The following KLC2 variants were observed in gnomAD, a reference collection of about 807,000 sequenced individuals.
The protein encoded by KLC2 is kinesin light chain 2.
In KLC2, 35 loss-of-function variants were observed where a neutral mutation model predicts 75.1. The ratio of observed to expected loss-of-function variants is 0.47; its 90% CI spans 0.36 to 0.62. KLC2 has a LOEUF of 0.62. Among genes scored for constraint, KLC2 ranks in the 20% least tolerant of loss-of-function variants. KLC2 has a pLI of 0.00. For synonymous variants in KLC2, 314 were observed against 336.7 expected (o/e 0.93, Z 0.74); for missense variants, 611 against 833.2 (o/e 0.73, Z 3.28).
chr11:66,258,537 G>A, intron 1 of KLC2, 47 bp from the exon 2 acceptor site: 1 of 1,328,538 alleles, frequency 7.5e-7, no homozygotes, highest in Non-Finnish European at 1.1e-6. Context: ...GGACGGCGGT[G>A]TGGCCCCAGG....
intron 5 of KLC2, among the ~76,000 whole-genome samples, 198 bp from the exon 6 acceptor site, chr11:66,263,462 G>A (rs771282860): frequency 2.0e-5 from 3 of 152,162 alleles, no homozygotes; most frequent in African/African-American, 4.8e-5. Flanking sequence ...CCAGCACTGC[G>A]CACCCCAGCC....
chr11:66,267,769 T>TGGTGGCAGGAGGGGCTCCCCC lies in KLC2; in HGVS notation c.*814_*834dup, dbSNP rs1856949757. On this transcript the variant is annotated 3_prime_UTR_variant, in exon 16 of 16. Transcript: ENST00000394067. ...CTCGCGAGGGGCGGCGACGGTCCCC[T>TGGTGGCAGGAGGGGCTCCCCC]GGTGGCAGGAGGGGCTCCCCCTGTT... The TGGTGGCAGGAGGGGCTCCCCC allele has an allele frequency of 4.3e-6, 2 of 461,034 alleles. No homozygotes were observed. Among genetic ancestry groups the TGGTGGCAGGAGGGGCTCCCCC allele is most frequent in the Non-Finnish European group, 7.6e-6 (2 of 263,304 alleles). The allele number at this position is 461,034 out of a possible 1,614,324, so 28.6% of individuals were successfully genotyped here. A position where few individuals can be genotyped will look rare whatever the true frequency, so the allele number is the denominator to read the frequency against.
At chr11:66,261,493 T>TG in intron 2 of KLC2, 1 of 477,160 alleles carries the variant, frequency 2.1e-6, no homozygotes, top group Non-Finnish European at 3.8e-6. Flanking sequence ...CTAGCCCTTT[T>TG]GGGGTTCTCC....
At position 66,265,955 on chromosome 11, in the gene KLC2, CGGGCCTCGGTCTGAGTCTG is replaced by C; in HGVS notation, c.1546_1564del (p.Gly516ThrfsTer19). The C allele has an allele frequency of 6.2e-7, 1 of 1,601,324 alleles. No homozygotes were observed. Among genetic ancestry groups the C allele is most frequent in the Non-Finnish European group, 8.5e-7 (1 of 1,171,408 alleles). Reference sequence around the variant, plus strand: ...GCAGCCGAGACATGGCTGGGGGTGCCGGGCCTCGGTCTGAGTCTGACCTCGAGGACGTGGGACCTACAGC... The same window carrying C: ...GCAGCCGAGACATGGCTGGGGGTGCCACCTCGAGGACGTGGGACCTACAGC... On this transcript the variant is annotated frameshift_variant, in exon 13 of 16. Transcript: ENST00000394067. LOFTEE classifies it high-confidence loss of function.
Position 66,264,143 on chromosome 11 carries a change from A to T in KLC2, c.1040A>T (p.Tyr347Phe). The T allele has an allele frequency of 6.3e-7, 1 of 1,581,310 alleles. No homozygotes were observed. The highest frequency in any genetic ancestry group is 8.6e-7 in the Non-Finnish European group (1 of 1,162,622). ...QGKAEEVEYY[Y>F]RRALEIYATR... is the part of the protein sequence containing the mutation. ...AAAGCTGAGGAGGTGGAATATTACT[A>T]TCGGCGGGCACTGGAGATCTATGCT... Residue 347 changes from tyrosine (Y) to phenylalanine (F), a missense_variant, in exon 8 of 16, where the codon TAT becomes TTT. By Grantham distance (22) the Tyr-to-Phe change is conservative. Transcript: ENST00000394067.
rs1291201624 is a variant in KLC2, at chr11:66,265,201, T to C, written c.1300T>C (p.Tyr434His). The C allele has an allele frequency of 1.9e-6, 3 of 1,603,982 alleles. No homozygotes were observed. Among genetic ancestry groups the C allele is most frequent in the Non-Finnish European group, 2.6e-6 (3 of 1,172,508 alleles). ...KRRDSAPYGE[Y>H]GSWYKACKVD... Reference sequence around the variant, plus strand: ...CCGGGACAGCGCCCCCTATGGGGAATACGGCAGCTGGTACAAGGCCTGTAA... The same window carrying C: ...CCGGGACAGCGCCCCCTATGGGGAACACGGCAGCTGGTACAAGGCCTGTAA... Residue 434 changes from tyrosine (Y) to histidine (H), a missense_variant, in exon 11 of 16, where the codon TAC (tyrosine) becomes CAC (histidine). Tyr to His is a moderately conservative substitution (Grantham distance 83, BLOSUM62 2). Transcript: ENST00000394067.
intron 3 of KLC2, 32 bp downstream of exon 3, chr11:66,262,004 C>G (rs764910995): frequency 2.5e-6 from 4 of 1,600,018 alleles, no homozygotes; most frequent in East Asian, 4.5e-5. Flanking sequence ...TGTTGCCCAG[C>G]AAGGAGGCCT....
At chr11:66,259,290 GAGAAA>G (rs548843858) in intron 2 of KLC2, among the ~76,000 whole-genome samples, 4 of 152,334 alleles carry the variant, frequency 2.6e-5, no homozygotes, top group African/African-American at 9.6e-5. Flanking sequence ...GAGTTCTGCA[GAGAAA>G]AGAACAAGAT....
chr11:66,259,675 T>C (rs763193200), intron 2 of KLC2: 1 of 152,178 alleles, frequency 6.6e-6, no homozygotes, highest in East Asian at 1.9e-4. Context: ...CTGGCTGAGA[T>C]GTGGAGAATA....
Position 66,262,843 on chromosome 11 carries a change from G to GGTCA in KLC2, c.561_564dup (p.His189SerfsTer51). ...TAGCCCAGGAGGAGGGGATGTGTCTGGTCAGCATGGGGGCTACGAGATCCC... is the reference window on the plus strand; with the variant it reads ...TAGCCCAGGAGGAGGGGATGTGTCTGGTCAGTCAGCATGGGGGCTACGAGATCCC... On this transcript the variant is annotated frameshift_variant, in exon 5 of 16. Coordinates refer to ENST00000394067, the MANE Select transcript of KLC2 (RefSeq NM_001318734.2). LOFTEE classifies it high-confidence loss of function. 1 of 1,613,188 alleles carries GGTCA rather than the reference G, an allele frequency of 6.2e-7. No individual in the cohort carries two copies. Among genetic ancestry groups the GGTCA allele is most frequent in the Non-Finnish European group, 8.5e-7 (1 of 1,179,882 alleles).
At chr11:66,257,385 G>C (rs1028979981), upstream of KLC2, 1 of 152,270 alleles carries the variant, frequency 6.6e-6, no homozygotes, top group African/African-American at 2.4e-5. Flanking sequence ...CACGCAGTAG[G>C]CGCTCAGTTA....
chr11:66,261,815 G>A lies in KLC2; in HGVS notation c.302G>A (p.Arg101His), dbSNP rs1856448935. ...CAGAAGCTGCGGGCGCAGGTGCGGC[G>A]TCTGGTGCAGGAGAACCAGTGGCTG... Reference protein sequence around the residue: ...EKQKLRAQVRRLVQENQWLRE... With the variant: ...EKQKLRAQVRHLVQENQWLRE... The change falls in exon 3 of 16, where the codon CGT becomes CAT. Residue 101 changes from arginine (R) to histidine (H), a missense_variant. Coordinates refer to ENST00000394067, the MANE Select transcript of KLC2 (RefSeq NM_001318734.2). 11 of 1,613,410 alleles carry A rather than the reference G, an allele frequency of 6.8e-6. No individual in the cohort carries two copies. Among genetic ancestry groups the A allele is most frequent in the Non-Finnish European group, 9.3e-6 (11 of 1,179,982 alleles).
intron 9 of KLC2, 36 bp from the exon 10 acceptor site, chr11:66,264,987 A>G: frequency 1.2e-6 from 2 of 1,609,114 alleles, no homozygotes; most frequent in East Asian, 4.5e-5. Context: ...TGAGACCTAT[A>G]TGGTAGGCTG....
At position 66,258,600 on chromosome 11, in the gene KLC2, C is replaced by T; in HGVS notation, c.6C>T (p.Ala2=). 1 of 1,612,618 alleles carries T rather than the reference C, an allele frequency of 6.2e-7. No homozygotes were observed. The highest frequency in any genetic ancestry group is 8.5e-7 in the Non-Finnish European group (1 of 1,179,004). Residue 2 remains alanine, a synonymous_variant, in exon 2 of 16, where the codon GCC becomes GCT. Coordinates refer to ENST00000394067, the MANE Select transcript of KLC2 (RefSeq NM_001318734.2). ...TCCTCACAGACGCCACAGCCATGGC[C>T]ATGATGGTGTTTCCGCGGGAGGAGA... M[A]MMVFPREEKL...
chr11:66,258,810 G>C lies in KLC2; in HGVS notation c.216G>C (p.Leu72=). 6.2e-7 allele frequency: 1 copy of C among 1,610,026 alleles called. No homozygotes were observed. The highest frequency in any genetic ancestry group is 8.5e-7 in the Non-Finnish European group (1 of 1,177,668). ...RRSLEAIELG[L]GEAQVILALS... is the part of the protein sequence containing the mutation. ...CCCTGGAAGCCATTGAGCTTGGGCT[G>C]GGGGAGGCCCAGGTAGGTCAGTCTG... Residue 72 remains leucine (L), a synonymous_variant, in exon 2 of 16, where the codon CTG becomes CTC. Transcript: ENST00000394067.
chr11:66,260,158 G>T (rs1856291010), intron 2 of KLC2, among the ~76,000 whole-genome samples: 1 of 149,116 alleles, frequency 6.7e-6, no homozygotes, highest in Non-Finnish European at 1.5e-5. Flanking sequence ...CTTCCAGGCT[G>T]TTGGGGGAAT....
intron 5 of KLC2, 99 bp from the exon 6 acceptor site, chr11:66,263,561 C>T (rs1856587654): frequency 1.4e-5 from 11 of 794,682 alleles, no homozygotes; most frequent in Non-Finnish European, 2.1e-5. Context: ...CTCTGTCATA[C>T]ACACTCAGTG....
chr11:66,252,213 A>C, the KLC2 span, among the ~76,000 whole-genome samples: 1 of 152,236 alleles, frequency 6.6e-6, no homozygotes, highest in African/African-American at 2.4e-5. Flanking sequence ...GATGGTGATG[A>C]GAATAAACAA....
rs1225620882 is a variant in KLC2 at position 66,261,528 on chromosome 11, G to T, written c.229-214G>T. 1.1e-5 allele frequency: 6 copies of T among 538,754 alleles called. No individual in the cohort carries two copies. In the East Asian group the frequency reaches 1.7e-4, roughly 16 times the overall value. 33.4% of individuals were successfully genotyped at this position (538,754 alleles called of 1,614,324 possible). Reference sequence around the variant, plus strand: ...CTGATCCTAGAAGGAAGGAACTGGGGACTCCCAAGCCTCCTGGGTTTGGGC... The same window carrying T: ...CTGATCCTAGAAGGAAGGAACTGGGTACTCCCAAGCCTCCTGGGTTTGGGC... On this transcript the variant is annotated intron_variant, in intron 2 of 15. Transcript: ENST00000394067.
Sources: allele counts gnomAD v4.1 joint callset (sites outside exome capture counted in the v4.1 genomes callset), GRCh38; gene constraint gnomAD v4.1.1; transcripts MANE v1.5; gene names NCBI Gene and HGNC (gene_info 2026-07-23, HGNC 2026-07-21).